The following ZNF808 variants were observed in gnomAD, a reference collection of about 807,000 sequenced individuals.
ZNF808 encodes zinc finger protein 808.
Under a neutral mutation model 8.7 loss-of-function variants are expected in ZNF808, and 5 were observed. The ratio of observed to expected loss-of-function variants is 0.58; its 90% CI spans 0.30 to 1.21. The LOEUF (loss-of-function observed/expected upper bound fraction) is 1.21, where lower values mean the gene tolerates loss of function less well. Ranked by LOEUF, ZNF808 falls within the 50% of genes most tolerant of loss-of-function variation. The pLI is 0.07. For synonymous variants in ZNF808, 380 were observed against 366.0 expected (o/e 1.04, Z -0.44); for missense variants, 1,103 against 1,098.4 (o/e 1.00, Z -0.06).
chr19:52,559,138 A>G (rs987942390), downstream of ZNF808, among the ~76,000 whole-genome samples: 1 of 152,120 alleles, frequency 6.6e-6, no homozygotes, highest in African/African-American at 2.4e-5. Flanking sequence ...GAGGAGGATT[A>G]GTAAAAGAGG....
downstream of ZNF808, among the ~76,000 whole-genome samples, chr19:52,557,072 G>A (rs2059840396): frequency 6.6e-6 from 1 of 152,090 alleles, no homozygotes. Flanking sequence ...CCGGCATCAA[G>A]TGATTCTCCT....
downstream of ZNF808, among the ~76,000 whole-genome samples, chr19:52,559,546 G>A (rs2059849808): frequency 6.6e-6 from 1 of 151,980 alleles, no homozygotes; most frequent in African/African-American, 2.4e-5. Context: ...TGCTGGTCCT[G>A]TAGGCCTACT....
intron 2 of ZNF808, among the ~76,000 whole-genome samples, chr19:52,533,406 T>C (rs2059577416): frequency 6.6e-6 from 1 of 151,972 alleles, no homozygotes. Flanking sequence ...TTTATAGTTT[T>C]GTAGAGACGG....
chr19:52,531,526 G>A (rs1368516317), intron 1 of ZNF808, among the ~76,000 whole-genome samples: 5 of 150,630 alleles, frequency 3.3e-5, no homozygotes, highest in Admixed American at 2.0e-4. Context: ...AAAAGCAGAC[G>A]TATTCACGTG....
chr19:52,568,489 C>T (rs939669048), downstream of ZNF808, among the ~76,000 whole-genome samples: 2 of 151,668 alleles, frequency 1.3e-5, no homozygotes, highest in East Asian at 1.9e-4. Context: ...ATAAGACCTC[C>T]TGGCATCATT....
intron 4 of ZNF808, among the ~76,000 whole-genome samples, chr19:52,550,814 G>C (rs1378513809): frequency 1.3e-5 from 2 of 152,104 alleles, no homozygotes; most frequent in Non-Finnish European, 2.9e-5. Context: ...CTTCATATAA[G>C]TTTTATAGTA....
At chr19:52,561,336 C>CATTAATTCATCAT (rs1350321074) in intron 3 of ZNF808, among the ~76,000 whole-genome samples, 1 of 151,578 alleles carries the variant, frequency 6.6e-6, no homozygotes, top group Non-Finnish European at 1.5e-5. Flanking sequence ...GTGCTGCACC[C>CATTAATTCATCAT]ATTAATTCAT....
chr19:52,531,176 T>G (rs2059558664), intron 1 of ZNF808, among the ~76,000 whole-genome samples: 1 of 152,094 alleles, frequency 6.6e-6, no homozygotes, highest in African/African-American at 2.4e-5. Context: ...TCTCCCTTTA[T>G]ATAAGCAGTA....
chr19:52,541,414 A>T (rs1331533506), intron 2 of ZNF808, among the ~76,000 whole-genome samples: 1 of 151,998 alleles, frequency 6.6e-6, no homozygotes, highest in African/African-American at 2.4e-5. Flanking sequence ...AAGGCAGCCT[A>T]TTGGCCCTTT....
Position 52,555,522 on chromosome 19 carries a change from A to G in ZNF808, c.2606A>G (p.His869Arg). 1 of 1,614,152 alleles carries G rather than the reference A, an allele frequency of 6.2e-7. No individual in the cohort carries two copies. The highest frequency in any genetic ancestry group is 8.5e-7 in the Non-Finnish European group (1 of 1,180,032). ...KSHLKRHRII[H>R]TGEKPYKCNE... is the part of the protein sequence containing the mutation. ...CACCTTAAAAGACATAGGATAATTC[A>G]TACTGGAGAGAAACCTTACAAGTGT... Residue 869 changes from histidine to arginine, a missense_variant, in exon 5 of 5, where the codon CAT (histidine) becomes CGT (arginine). Physicochemically the swap from His to Arg is conservative, Grantham distance 29 (BLOSUM62 0). Transcript: ENST00000359798.
chr19:52,532,667 T>G (rs2059571543), intron 1 of ZNF808, among the ~76,000 whole-genome samples: 1 of 152,198 alleles, frequency 6.6e-6, no homozygotes, highest in Non-Finnish European at 1.5e-5. Context: ...CTTACACATG[T>G]TTGTGCCCTG....
At chr19:52,547,373 A>T (rs1385826123) in intron 3 of ZNF808, 139 bp from the exon 4 acceptor site, 5 of 1,507,604 alleles carry the variant, frequency 3.3e-6, no homozygotes, top group Non-Finnish European at 4.4e-6. Context: ...CGGAAAAAAT[A>T]GTCAAAAATA....
chr19:52,559,069 T>G (rs904848719), downstream of ZNF808, among the ~76,000 whole-genome samples: 1 of 152,162 alleles, frequency 6.6e-6, no homozygotes, highest in African/African-American at 2.4e-5. Flanking sequence ...AGATATGGCC[T>G]CATGGGAAGG....
In ZNF808 at chr19:52,555,845, C is replaced by CAT. The variant is rs1313529056; in HGVS notation, c.*218_*219insTA. The CAT allele has an allele frequency of 7.8e-6, 6 of 767,320 alleles. No homozygotes were observed. Among genetic ancestry groups the CAT allele is most frequent in the Non-Finnish European group, 1.4e-5 (6 of 434,332 alleles). The allele number at this position is 767,320 out of a possible 1,614,324, so 47.5% of individuals were successfully genotyped here. On this transcript the variant is annotated 3_prime_UTR_variant, in exon 5 of 5. Transcript: ENST00000359798. Reference sequence around the variant, plus strand: ...CAGTCAAGCTTCATCCTATGCAAAACAGGAGAATTCATACAGGAGAGAAAC... The same window carrying CAT: ...CAGTCAAGCTTCATCCTATGCAAAACATAGGAGAATTCATACAGGAGAGAAAC...
At chr19:52,557,328 G>A (rs1268801987), downstream of ZNF808, among the ~76,000 whole-genome samples, 1 of 150,414 alleles carries the variant, frequency 6.6e-6, no homozygotes, top group Admixed American at 6.7e-5. Context: ...GTGCAATGGT[G>A]CGATCTGGTG....
chr19:52,528,734 G>A (rs768584675), intron 1 of ZNF808, among the ~76,000 whole-genome samples: 4 of 152,008 alleles, frequency 2.6e-5, no homozygotes, highest in Non-Finnish European at 5.9e-5. Flanking sequence ...GACACCTGGG[G>A]ATCTGGGGTG....
At chr19:52,535,036 G>T (rs1438425182) in intron 2 of ZNF808, among the ~76,000 whole-genome samples, 1 of 150,022 alleles carries the variant, frequency 6.7e-6, no homozygotes, top group Admixed American at 6.6e-5. Flanking sequence ...TTAAAAACGG[G>T]TTAAAAAAAA....
chr19:52,535,248 G>A (rs1035736543), intron 2 of ZNF808, among the ~76,000 whole-genome samples: 46 of 148,734 alleles, frequency 3.1e-4, no homozygotes, highest in African/African-American at 1.1e-3. Context: ...GGAGAATTGC[G>A]TGAACCCGGG....
At position 52,553,402 on chromosome 19, in the gene ZNF808, A is replaced by C; in HGVS notation, c.486A>C (p.Ser162=). ...ATCAGCTTGGATCAAGCTTTTATTC[A>C]CATCTGCCTGAACTCCACATATTTC... ...IKDQLGSSFY[S]HLPELHIFQI... is the part of the protein sequence containing the mutation. Residue 162 remains serine, a synonymous_variant, in exon 5 of 5, where the codon TCA becomes TCC. Coordinates refer to ENST00000359798, the MANE Select transcript of ZNF808 (RefSeq NM_001039886.4). 2 of 1,614,192 alleles carry C rather than the reference A, an allele frequency of 1.2e-6. No homozygotes were observed. Among genetic ancestry groups the C allele is most frequent in the African/African-American group, 2.7e-5 (2 of 75,064 alleles).
Sources: allele counts gnomAD v4.1 joint callset (sites outside exome capture counted in the v4.1 genomes callset), GRCh38; gene constraint gnomAD v4.1.1; transcripts MANE v1.5; gene names NCBI Gene and HGNC (gene_info 2026-07-23, HGNC 2026-07-21).